FBXW11: variants seen among roughly 807,000 people sequenced by gnomAD.
FBXW11 encodes F-box/WD repeat-containing protein 11.
In FBXW11, 19 loss-of-function variants were observed where a neutral mutation model predicts 77.6. The ratio of observed to expected loss-of-function variants is 0.24; its 90% CI spans 0.17 to 0.36. The LOEUF (loss-of-function observed/expected upper bound fraction) is 0.36, where lower values mean the gene tolerates loss of function less well. FBXW11 is among the 10% of genes least tolerant of loss of function. The probability of loss-of-function intolerance (pLI) is 1.00; values close to 1 mark genes in which losing one functional copy is unlikely to be tolerated. For missense variants in FBXW11, 334 were observed against 704.2 expected (o/e 0.47, Z 5.95); for synonymous variants, 235 against 249.4 (o/e 0.94, Z 0.54).
At chr5:171,937,731 G>GGTAA (rs1762548771) in intron 2 of FBXW11, among the ~76,000 whole-genome samples, 1 of 151,610 alleles carries the variant, frequency 6.6e-6, no homozygotes, top group South Asian at 2.1e-4. Flanking sequence ...AGGGGGCTGA[G>GGTAA]GTAAGAGGAT....
intron 2 of FBXW11, among the ~76,000 whole-genome samples, chr5:171,924,896 G>A (rs551822310): frequency 2.6e-5 from 4 of 152,178 alleles, no homozygotes; most frequent in South Asian, 4.1e-4. Flanking sequence ...GGGGTCACGC[G>A]GATGCTGGTG....
At chr5:171,933,479 C>A (rs1762322350) in intron 2 of FBXW11, among the ~76,000 whole-genome samples, 1 of 152,102 alleles carries the variant, frequency 6.6e-6, no homozygotes, top group Non-Finnish European at 1.5e-5. Context: ...AAGAATAAAT[C>A]CTAATATAAG....
At chr5:171,955,679 CTGAG>C (rs1263473962) in intron 2 of FBXW11, among the ~76,000 whole-genome samples, 1 of 152,044 alleles carries the variant, frequency 6.6e-6, no homozygotes, top group African/African-American at 2.4e-5. Context: ...TGCCAATGAG[CTGAG>C]TACTTAGTTC....
chr5:171,888,941 G>C (rs1759106704), intron 7 of FBXW11, among the ~76,000 whole-genome samples: 1 of 152,146 alleles, frequency 6.6e-6, no homozygotes, highest in Non-Finnish European at 1.5e-5. Flanking sequence ...GAAAAATTCA[G>C]TCAACTTGAA....
intron 13 of FBXW11, 149 bp from the exon 14 acceptor site, chr5:171,864,250 T>C (rs1271187706): frequency 6.6e-6 from 1 of 152,256 alleles, no homozygotes; most frequent in Admixed American, 6.5e-5. Context: ...CTGAGTGTAC[T>C]ACATACCAGG....
intron 1 of FBXW11, among the ~76,000 whole-genome samples, chr5:171,983,666 T>G (rs1426827378): frequency 6.6e-6 from 1 of 152,186 alleles, no homozygotes; most frequent in Admixed American, 6.5e-5. Flanking sequence ...CACAGAAGCC[T>G]TCTTCTGTGT....
At chr5:171,987,503 T>C (rs542663257) in intron 1 of FBXW11, among the ~76,000 whole-genome samples, 1 of 152,184 alleles carries the variant, frequency 6.6e-6, no homozygotes, top group Admixed American at 6.5e-5. Flanking sequence ...CAGGCTGGAG[T>C]GCAGTGGCAC....
At chr5:171,943,965 T>C (rs928476427) in intron 2 of FBXW11, among the ~76,000 whole-genome samples, 1 of 152,300 alleles carries the variant, frequency 6.6e-6, no homozygotes, top group African/African-American at 2.4e-5. Context: ...TGACAAGATA[T>C]ATATGATGTA....
Position 171,905,237 on chromosome 5 carries a change from A to G in FBXW11, c.437-5137T>C, listed in dbSNP as rs553047819. Among the ~76,000 whole-genome samples the G allele has an allele frequency of 7.9e-5, 12 of 152,300 alleles. No individual in the cohort carries two copies. The East Asian group carries it at 2.3e-3, about 29-fold the overall frequency. ...AGTTCTGTCAACTGCTAGTTGTGTGACCTTAAGCAGATCAGTTTTCCTTTT... is the reference window on the plus strand; with the variant it reads ...AGTTCTGTCAACTGCTAGTTGTGTGGCCTTAAGCAGATCAGTTTTCCTTTT... On this transcript the variant is annotated intron_variant, in intron 4 of 13. Coordinates refer to ENST00000517395, the MANE Select transcript of FBXW11 (RefSeq NM_001378974.1).
At position 171,955,481 on chromosome 5, in the gene FBXW11, G is replaced by C. The variant is rs1364765585; in HGVS notation, c.147+2116C>G. On this transcript the variant is annotated intron_variant, in intron 2 of 13. Transcript: ENST00000517395. The stretch of plus-strand genomic sequence containing the variant: ...CATATAAGCAACAGGCCTTCTTTGA[G>C]AGCCCAAACCCAAATTAAGGCACGA... Among the ~76,000 whole-genome samples the C allele has an allele frequency of 2.6e-5, 4 of 152,156 alleles. No homozygotes were observed. The East Asian group carries it at 7.7e-4, about 29-fold the overall frequency.
intron 13 of FBXW11, chr5:171,867,791 T>C (rs1452665526): frequency 1.3e-5 from 2 of 152,204 alleles, no homozygotes; most frequent in Non-Finnish European, 2.9e-5. Flanking sequence ...TAAATACAAA[T>C]TTTATTAATC....
At chr5:171,918,153 T>G (rs914453142) in intron 2 of FBXW11, among the ~76,000 whole-genome samples, 1 of 151,924 alleles carries the variant, frequency 6.6e-6, no homozygotes, top group Non-Finnish European at 1.5e-5. Context: ...CTGCTACAGG[T>G]TGAGCATCCC....
chr5:171,919,604 T>C (rs1007380047), intron 2 of FBXW11, among the ~76,000 whole-genome samples: 1 of 152,196 alleles, frequency 6.6e-6, no homozygotes, highest in Non-Finnish European at 1.5e-5. Flanking sequence ...TGGTCAGGCA[T>C]TGTGATAGAA....
chr5:171,873,443 G>A (rs906528910), intron 9 of FBXW11, among the ~76,000 whole-genome samples: 4 of 152,248 alleles, frequency 2.6e-5, no homozygotes, highest in East Asian at 1.9e-4. Context: ...TAAAGAGTTC[G>A]AGACCAGCCT....
At chr5:171,908,514 T>C (rs1221424362) in intron 4 of FBXW11, among the ~76,000 whole-genome samples, 1 of 152,210 alleles carries the variant, frequency 6.6e-6, no homozygotes, top group Non-Finnish European at 1.5e-5. Context: ...GACTAAGTGA[T>C]GGCTAAGATC....
chr5:171,901,483 G>A (rs971735825), intron 4 of FBXW11, among the ~76,000 whole-genome samples: 11 of 152,038 alleles, frequency 7.2e-5, no homozygotes, highest in Non-Finnish European at 1.5e-4. Flanking sequence ...TATACCATTG[G>A]TTATAATTTC....
In FBXW11 at chr5:171,987,153, T is replaced by C. The variant is rs1013668398; in HGVS notation, c.45+19305A>G. Among the ~76,000 whole-genome samples the C allele has an allele frequency of 1.4e-4, 22 of 152,274 alleles. No individual in the cohort carries two copies. The South Asian group carries it at 2.3e-3, about 16-fold the overall frequency. On this transcript the variant is annotated intron_variant, in intron 1 of 13. Coordinates refer to ENST00000517395, the MANE Select transcript of FBXW11 (RefSeq NM_001378974.1). ...CCTGGTCTGTGGAAAAACTGTCTTCTAGGAAACTGGTCCCTGGTGCCAAAA... is the reference window on the plus strand; with the variant it reads ...CCTGGTCTGTGGAAAAACTGTCTTCCAGGAAACTGGTCCCTGGTGCCAAAA...
At position 172,006,474 on chromosome 5, in the gene FBXW11, T is replaced by C; in HGVS notation, c.29A>G (p.Lys10Arg). MEPDSVIED[K>R]TIELMCSVPR... ...CGCACTCACCATGAGCTCGATGGTC[T>C]TGTCCTCAATCACCGAGTCGGGCTC... The change falls in exon 1 of 14, where the codon AAG becomes AGG. Residue 10 changes from lysine to arginine, a missense_variant. Physicochemically the swap from Lys to Arg is conservative, Grantham distance 26 (BLOSUM62 2). Transcript: ENST00000517395. The C allele has an allele frequency of 1.3e-6, 2 of 1,555,250 alleles. No individual in the cohort carries two copies. The highest frequency in any genetic ancestry group is 2.6e-5 in the East Asian group (1 of 38,712).
At chr5:171,927,376 A>G (rs1412844810) in intron 2 of FBXW11, among the ~76,000 whole-genome samples, 1 of 152,214 alleles carries the variant, frequency 6.6e-6, no homozygotes, top group African/African-American at 2.4e-5. Context: ...AGAGCAAGAA[A>G]AGAGTGGCAA....
Sources: allele counts gnomAD v4.1 joint callset (sites outside exome capture counted in the v4.1 genomes callset), GRCh38; gene constraint gnomAD v4.1.1; transcripts MANE v1.5; gene names NCBI Gene and HGNC (gene_info 2026-07-23, HGNC 2026-07-21).